The following ATP8B1 variants were observed in gnomAD, a reference collection of about 807,000 sequenced individuals.
ATP8B1 encodes ATPase phospholipid transporting 8B1.
In ATP8B1, 80 loss-of-function variants were observed where a neutral mutation model predicts 149.9. The ratio of observed to expected loss-of-function variants is 0.53; its 90% CI spans 0.45 to 0.64. The LOEUF is 0.64. Ranked by LOEUF, ATP8B1 falls within the 30% of genes least tolerant of loss-of-function variation. The probability of loss-of-function intolerance (pLI) is 0.00; values close to 1 mark genes in which losing one functional copy is unlikely to be tolerated. For missense variants in ATP8B1, 1,247 were observed against 1,552.6 expected (o/e 0.80, Z 3.31); for synonymous variants, 536 against 562.8 (o/e 0.95, Z 0.67).
At chr18:57,726,378 A>C (rs945552127) in intron 2 of ATP8B1, among the ~76,000 whole-genome samples, 1 of 152,266 alleles carries the variant, frequency 6.6e-6, no homozygotes, top group Non-Finnish European at 1.5e-5. Context: ...GCTTCTGTAA[A>C]GCAAAGGAAA....
chr18:57,746,583 C>T (rs922450142), intron 1 of ATP8B1, among the ~76,000 whole-genome samples: 1 of 148,796 alleles, frequency 6.7e-6, no homozygotes, highest in African/African-American at 2.5e-5. Context: ...AGGCAATTCT[C>T]TCCTGCCTCA....
intron 3 of ATP8B1, among the ~76,000 whole-genome samples, chr18:57,705,393 TATGTTCAGGTCTTAACACTA>T (rs1568204153): frequency 1.3e-5 from 2 of 152,220 alleles, no homozygotes. Flanking sequence ...CTGCAAAAGA[TATGTTCAGGTCTTAACACTA>T]ATATCTATGA....
chr18:57,685,492 G>A (rs9953454), intron 13 of ATP8B1, among the ~76,000 whole-genome samples: 2,306 of 151,984 alleles, frequency 0.015, 49 homozygotes, highest in African/African-American at 0.052. Context: ...ATATATGCAT[G>A]TCCCTATATC....
At chr18:57,781,100 C>A (rs2080352044) in intron 1 of ATP8B1, among the ~76,000 whole-genome samples, 1 of 152,162 alleles carries the variant, frequency 6.6e-6, no homozygotes, top group African/African-American at 2.4e-5. Context: ...TCTCCAAGAA[C>A]ACCAAAAAAG....
chr18:57,674,527 G>A (rs1456722487), intron 16 of ATP8B1, among the ~76,000 whole-genome samples: 1 of 151,664 alleles, frequency 6.6e-6, no homozygotes, highest in Non-Finnish European at 1.5e-5. Context: ...TGGGACTACA[G>A]GTGCCAGCCA....
In ATP8B1 at chr18:57,777,192, A is replaced by C. The variant is rs974859976; in HGVS notation, c.-26+25806T>G. 4.8e-4 allele frequency among the ~76,000 whole-genome samples: 73 copies of C among 152,144 alleles called. 1 individual carries two copies. Among genetic ancestry groups the C allele is most frequent in the Non-Finnish European group, 2.6e-4 (18 of 68,030 alleles). ...GGGATTTCGCTATGTTTCCCAGGCT[A>C]GTCTTGAACTTTTGGGTTCAAGCAA... On this transcript the variant is annotated intron_variant, in intron 1 of 27. Transcript: ENST00000648908.
chr18:57,650,621 T>C, intron 26 of ATP8B1, 124 bp from the exon 27 acceptor site: 1 of 1,198,126 alleles, frequency 8.3e-7, no homozygotes, highest in Non-Finnish European at 1.2e-6. Context: ...GGTGGGTGGA[T>C]TGCCAGAGCT....
At chr18:57,730,967 T>C (rs969271254) in intron 2 of ATP8B1, among the ~76,000 whole-genome samples, 3 of 152,132 alleles carry the variant, frequency 2.0e-5, no homozygotes, top group African/African-American at 7.2e-5. Context: ...TGCAGTAACA[T>C]GCAGATTCTT....
At chr18:57,754,439 C>CAAA (rs749830355) in intron 1 of ATP8B1, among the ~76,000 whole-genome samples, 3 of 62,826 alleles carry the variant, frequency 4.8e-5, no homozygotes, top group African/African-American at 2.1e-4. Flanking sequence ...CTCTGTCTAA[C>CAAA]AAAAAAATAT....
chr18:57,732,271 G>GTA (rs200239389), intron 1 of ATP8B1, among the ~76,000 whole-genome samples: 214 of 2,832 alleles, frequency 0.076, 24 homozygotes, highest in African/African-American at 0.093. Context: ...GTGTATATAT[G>GTA]TATATATGTG....
In ATP8B1 at chr18:57,665,983, G is replaced by A. The variant is rs12150715; in HGVS notation, c.2285+1109C>T. On this transcript the variant is annotated intron_variant, in intron 20 of 27. Transcript: ENST00000648908. ...GGCTACTGATTTTGTCTAATTTGAC[G>A]GAATACCTAATATACTAGAACAACT... 1.2e-3 allele frequency among the ~76,000 whole-genome samples: 175 copies of A among 152,154 alleles called. 1 individual carries two copies. Among genetic ancestry groups the A allele is most frequent in the African/African-American group, 3.2e-3 (134 of 41,512 alleles).
chr18:57,748,296 C>A (rs1011458182), intron 1 of ATP8B1, among the ~76,000 whole-genome samples: 1 of 152,186 alleles, frequency 6.6e-6, no homozygotes, highest in Non-Finnish European at 1.5e-5. Context: ...AGGTTAAGTT[C>A]TTTGCCCAAG....
chr18:57,683,462 T>C (rs980334998), intron 15 of ATP8B1, among the ~76,000 whole-genome samples: 1 of 152,232 alleles, frequency 6.6e-6, no homozygotes, highest in Non-Finnish European at 1.5e-5. Context: ...CATCGAAGGA[T>C]TCTGCAAAGG....
chr18:57,672,391 A>G (rs999130987), intron 16 of ATP8B1, among the ~76,000 whole-genome samples: 5 of 152,232 alleles, frequency 3.3e-5, no homozygotes, highest in Admixed American at 6.5e-5. Context: ...AAGCATGATA[A>G]TCAGTCTAGA....
chr18:57,731,625 A>G lies in ATP8B1; in HGVS notation c.181+2T>C. 6.2e-7 allele frequency: 1 copy of G among 1,613,910 alleles called. No homozygotes were observed. Among genetic ancestry groups the G allele is most frequent in the Non-Finnish European group, 8.5e-7 (1 of 1,179,964 alleles). ...CTAGTCACCGGGACTTCATGTGGTT[A>G]CCTTTTCTGAATGGCTCCCGGTTCT... On this transcript the variant is annotated splice_donor_variant, in intron 2 of 27. Coordinates refer to ENST00000648908, the MANE Select transcript of ATP8B1 (RefSeq NM_001374385.1). LOFTEE classifies it high-confidence loss of function.
chr18:57,671,822 A>G (rs1048957688), intron 16 of ATP8B1, among the ~76,000 whole-genome samples: 7 of 151,724 alleles, frequency 4.6e-5, no homozygotes, highest in African/African-American at 7.3e-5. Context: ...AGGTCTCACT[A>G]TGTTACCCAG....
intron 11 of ATP8B1, among the ~76,000 whole-genome samples, 188 bp downstream of exon 11, chr18:57,694,394 T>C (rs929197422): frequency 6.6e-6 from 1 of 152,140 alleles, no homozygotes; most frequent in African/African-American, 2.4e-5. Flanking sequence ...AAGTGTGGCA[T>C]TTCTGAGAAA....
intron 6 of ATP8B1, among the ~76,000 whole-genome samples, chr18:57,699,590 G>A (rs994575814): frequency 6.6e-6 from 1 of 152,128 alleles, no homozygotes; most frequent in Non-Finnish European, 1.5e-5. Flanking sequence ...CAGGTGCAGT[G>A]GCGGGCGCCT....
chr18:57,704,457 A>T, intron 4 of ATP8B1, 98 bp downstream of exon 4: 1 of 867,630 alleles, frequency 1.2e-6, no homozygotes, highest in African/African-American at 1.7e-5. Context: ...ATGCTAATAT[A>T]AAACACTTTC....
Sources: allele counts gnomAD v4.1 joint callset (sites outside exome capture counted in the v4.1 genomes callset), GRCh38; gene constraint gnomAD v4.1.1; transcripts MANE v1.5; gene names NCBI Gene and HGNC (gene_info 2026-07-23, HGNC 2026-07-21).